The following ARHGAP27 variants were observed in gnomAD, a reference collection of about 807,000 sequenced individuals.
The protein encoded by ARHGAP27 is rho GTPase-activating protein 27.
Under a neutral mutation model 102.0 loss-of-function variants are expected in ARHGAP27, and 53 were observed. That is an observed-to-expected ratio of 0.52 (90% CI 0.42 to 0.65). ARHGAP27 has a LOEUF of 0.65. Ranked by LOEUF, ARHGAP27 falls within the 30% of genes least tolerant of loss-of-function variation. The pLI is 0.00. For synonymous variants in ARHGAP27, 525 were observed against 542.8 expected, an observed-to-expected ratio of 0.97 and a Z score of 0.46; for missense variants, 1,117 against 1,256.2, an observed-to-expected ratio of 0.89 and a Z score of 1.68.
intron 5 of ARHGAP27, 99 bp downstream of exon 5, chr17:45,405,577 C>CAA: frequency 1.1e-5 from 13 of 1,224,700 alleles, no homozygotes; most frequent in Non-Finnish European, 1.3e-5. Context: ...GCCCACCCAT[C>CAA]ACCACCCCCT....
chr17:45,406,546 A>G (rs2047189163), intron 4 of ARHGAP27, among the ~76,000 whole-genome samples: 1 of 152,230 alleles, frequency 6.6e-6, no homozygotes, highest in African/African-American at 2.4e-5. Flanking sequence ...TAAAACATCG[A>G]TAACCCAGTT....
In ARHGAP27 at chr17:45,396,971, C is replaced by A. The variant is rs755970723; in HGVS notation, c.1896G>T (p.Ser632=). The change falls in exon 14 of 20, where the codon TCG becomes TCT. Residue 632 remains serine, a synonymous_variant. Transcript: ENST00000685559. ...ESESSRVDFG[S]SERLGSWQEK... ...CCTGCCAGCTTCCCAAGCGCTCGCT[C>A]GACCCGAAGTCCACTCTGCTGCTCT... 1.2e-6 allele frequency: 2 copies of A among 1,605,378 alleles called. No homozygotes were observed. The highest frequency in any genetic ancestry group is 2.7e-5 in the African/African-American group (2 of 74,928).
At chr17:45,399,035 T>C (rs548185607) in intron 12 of ARHGAP27, among the ~76,000 whole-genome samples, 7 of 152,278 alleles carry the variant, frequency 4.6e-5, no homozygotes, top group African/African-American at 9.6e-5. Context: ...CTTGCCACCA[T>C]AGGACTGACG....
intron 4 of ARHGAP27, chr17:45,425,466 A>C: frequency 8.0e-5 from 56 of 703,044 alleles, no homozygotes; most frequent in Non-Finnish European, 9.1e-5. Flanking sequence ...TCCAGAGGGG[A>C]GGGGCCCCCA....
At chr17:45,400,154 C>A (rs547564074) in intron 12 of ARHGAP27, among the ~76,000 whole-genome samples, 28 of 152,270 alleles carry the variant, frequency 1.8e-4, no homozygotes, top group African/African-American at 6.5e-4. Flanking sequence ...CACAGTAAGA[C>A]CCTATCTCTA....
intron 4 of ARHGAP27, among the ~76,000 whole-genome samples, chr17:45,420,859 C>T (rs1360623016): frequency 7.0e-6 from 1 of 142,326 alleles, no homozygotes; most frequent in Non-Finnish European, 1.5e-5. Flanking sequence ...GAGGCTGAGG[C>T]AGAATGGCGT....
At chr17:45,428,730 G>T (rs554028916) in intron 4 of ARHGAP27, among the ~76,000 whole-genome samples, 1 of 152,134 alleles carries the variant, frequency 6.6e-6, no homozygotes, top group Non-Finnish European at 1.5e-5. Context: ...AACAAACCGA[G>T]ACCCTAAGAG....
Position 45,395,264 on chromosome 17 carries a change from A to C in ARHGAP27, c.*192T>G. On this transcript the variant is annotated 3_prime_UTR_variant, in exon 20 of 20. Coordinates refer to ENST00000685559, the MANE Select transcript of ARHGAP27 (RefSeq NM_001282290.2). The stretch of plus-strand genomic sequence containing the variant: ...GGGAAGGGGGGATGGGGAGTTGGGA[A>C]GAAGGAATCACATTTTGCAAACTGC... 1 of 649,222 alleles carries C rather than the reference A, an allele frequency of 1.5e-6. No individual in the cohort carries two copies. Among genetic ancestry groups the C allele is most frequent in the Non-Finnish European group, 2.6e-6 (1 of 390,124 alleles). 40.2% of individuals were successfully genotyped at this position (649,222 alleles called of 1,614,324 possible).
intron 4 of ARHGAP27, chr17:45,410,060 G>T: frequency 4.9e-6 from 4 of 814,240 alleles, no homozygotes; most frequent in Non-Finnish European, 5.6e-6. Context: ...TGCCACTCTT[G>T]CCCCAAGCTG....
chr17:45,396,817 T>G, intron 14 of ARHGAP27, 27 bp from the exon 15 acceptor site: 1 of 1,607,834 alleles, frequency 6.2e-7, no homozygotes, highest in Non-Finnish European at 8.5e-7. Context: ...CAGGACTGAG[T>G]CAGGAGGCAG....
chr17:45,396,318 G>C (rs1388905603), intron 16 of ARHGAP27, 34 bp from the exon 17 acceptor site: 2 of 1,583,812 alleles, frequency 1.3e-6, no homozygotes, highest in South Asian at 1.1e-5. Context: ...CCCGGGTTCA[G>C]GGATGGGGAT....
chr17:45,424,298 CCT>C (rs2049331507), intron 4 of ARHGAP27, among the ~76,000 whole-genome samples: 1 of 152,252 alleles, frequency 6.6e-6, no homozygotes, highest in Non-Finnish European at 1.5e-5. Context: ...AGCAAGAGCA[CCT>C]CTGTGCCTGT....
In ARHGAP27 at chr17:45,432,825, C is replaced by T. The variant is rs535491497; in HGVS notation, c.-358G>A. On this transcript the variant is annotated 5_prime_UTR_variant, in exon 1 of 20. Transcript: ENST00000685559. ...CGCGTGGGCTCGGCGTCCCGCGCTC[C>T]CTCCTCGACTGTGCGGCTCCCGCGC... is the stretch of plus-strand genomic sequence containing the variant. The T allele has an allele frequency of 6.5e-6, 1 of 153,126 alleles. No homozygotes were observed. Among genetic ancestry groups the T allele is most frequent in the African/African-American group, 2.4e-5 (1 of 41,590 alleles). 9.5% of individuals were successfully genotyped at this position (153,126 alleles called of 1,614,324 possible). A position where few individuals can be genotyped will look rare whatever the true frequency, so the allele number is the denominator to read the frequency against.
intron 4 of ARHGAP27, among the ~76,000 whole-genome samples, chr17:45,417,519 C>T (rs1258659218): frequency 6.6e-6 from 1 of 152,022 alleles, no homozygotes; most frequent in Non-Finnish European, 1.5e-5. Context: ...GTAATCCCAG[C>T]ACCTTGGGAG....
At position 45,402,798 on chromosome 17, in the gene ARHGAP27, G is replaced by A. The variant is rs1445899820; in HGVS notation, c.1659C>T (p.Ser553=). Residue 553 remains serine (S), a synonymous_variant, in exon 12 of 20, where the codon TCC becomes TCT. Transcript: ENST00000685559. ...AGGLRQPSKF[S]TPEYTVELRG... The stretch of plus-strand genomic sequence containing the variant: ...TCAGCTCCACTGTGTACTCAGGGGT[G>A]GAAAACTTGGAAGGCTGCCTCTGTG... 4 of 1,613,290 alleles carry A rather than the reference G, an allele frequency of 2.5e-6. No individual in the cohort carries two copies. The highest frequency in any genetic ancestry group is 2.7e-5 in the African/African-American group (2 of 74,868).
intron 4 of ARHGAP27, among the ~76,000 whole-genome samples, chr17:45,422,860 G>A (rs937927542): frequency 3.9e-5 from 6 of 152,182 alleles, no homozygotes; most frequent in Admixed American, 2.6e-4. Flanking sequence ...GATGCAGATA[G>A]TACCTTATAT....
At chr17:45,401,031 C>T (rs1412772563) in intron 12 of ARHGAP27, among the ~76,000 whole-genome samples, 1 of 151,974 alleles carries the variant, frequency 6.6e-6, no homozygotes, top group Non-Finnish European at 1.5e-5. Context: ...CCCAGAGAAG[C>T]CTTCAGAATT....
chr17:45,400,523 A>G (rs1247866331), intron 12 of ARHGAP27, among the ~76,000 whole-genome samples: 1 of 152,188 alleles, frequency 6.6e-6, no homozygotes, highest in Non-Finnish European at 1.5e-5. Flanking sequence ...CCCTATTCTG[A>G]AACTTTCATC....
At chr17:45,410,575 G>A (rs2047801624) in intron 4 of ARHGAP27, 2 of 541,124 alleles carry the variant, frequency 3.7e-6, no homozygotes, top group Admixed American at 4.2e-5. Flanking sequence ...CCGAGGCCCA[G>A]ACATAGCCAT....
Sources: allele counts gnomAD v4.1 joint callset (sites outside exome capture counted in the v4.1 genomes callset), GRCh38; gene constraint gnomAD v4.1.1; transcripts MANE v1.5; gene names NCBI Gene and HGNC (gene_info 2026-07-23, HGNC 2026-07-21).